Variants in RPS6 observed in about 807,000 individuals in gnomAD.
RPS6 encodes the protein small ribosomal subunit protein eS6.
In RPS6, 1 loss-of-function variant was observed where a neutral mutation model predicts 27.1. The ratio of observed to expected loss-of-function variants is 0.04; its 90% CI spans 0.01 to 0.18. The LOEUF (loss-of-function observed/expected upper bound fraction) is 0.18, where lower values mean the gene tolerates loss of function less well. Ranked by LOEUF, RPS6 falls within the 10% of genes least tolerant of loss-of-function variation. RPS6 has a pLI of 1.00. For synonymous variants in RPS6, 152 were observed against 106.0 expected (o/e 1.43, Z -2.66); for missense variants, 259 against 319.1 (o/e 0.81, Z 1.44).
At chr9:19,379,771 G>A in intron 1 of RPS6, 153 bp from the exon 2 acceptor site, 1 of 1,472,858 alleles carries the variant, frequency 6.8e-7, no homozygotes, top group South Asian at 1.4e-5. Context: ...CTAAAAGCAC[G>A]TGAAAGCAGA....
chr9:19,377,040 T>C (rs1189579076), intron 4 of RPS6, among the ~76,000 whole-genome samples: 1 of 152,228 alleles, frequency 6.6e-6, no homozygotes, highest in Non-Finnish European at 1.5e-5. Context: ...TGCATCTCTA[T>C]TTCCTTTGAC....
rs773586781 is a variant in RPS6 at position 19,376,281 on chromosome 9, A to C, written c.*12T>G. 3.8e-6 allele frequency: 6 copies of C among 1,596,248 alleles called. No homozygotes were observed. Among genetic ancestry groups the C allele is most frequent in the Non-Finnish European group, 5.1e-6 (6 of 1,168,382 alleles). ...CAGAGTCTGATCTTATTTATTTGTT[A>C]CTCAAAAAATCTTATTTCTGACTGG... On this transcript the variant is annotated 3_prime_UTR_variant, in exon 6 of 6. Coordinates refer to ENST00000380394, the MANE Select transcript of RPS6 (RefSeq NM_001010.3).
At position 19,376,353 on chromosome 9, in the gene RPS6, C is replaced by T. The variant is rs1829587486; in HGVS notation, c.690G>A (p.Lys230=). The change falls in exon 6 of 6, where the codon AAG becomes AAA. Residue 230 remains lysine (K), a synonymous_variant. Transcript: ENST00000380394. ...CTCGCAGAGAGGAAAGTCTGCGTCT[C>T]TTCGCAATTTGTTCCTGGCGCTTCT... The part of the protein sequence containing the change: ...AKEKRQEQIA[K]RRRLSSLRAS... 1.2e-6 allele frequency: 2 copies of T among 1,614,032 alleles called. No homozygotes were observed. The highest frequency in any genetic ancestry group is 1.7e-6 in the Non-Finnish European group (2 of 1,180,032).
chr9:19,380,158 A>C (rs1228381352), intron 1 of RPS6, 32 bp downstream of exon 1: 7 of 1,614,098 alleles, frequency 4.3e-6, no homozygotes, highest in Non-Finnish European at 5.9e-6. Flanking sequence ...ACGTTCCCCA[A>C]ACCCAGTCTA....
intron 4 of RPS6, 183 bp from the exon 5 acceptor site, chr9:19,376,834 G>C (rs974523033): frequency 1.3e-4 from 63 of 498,454 alleles, no homozygotes; most frequent in Non-Finnish European, 1.9e-4. Context: ...CTAGAAGATT[G>C]GTTAAATATT....
chr9:19,379,865 A>G, intron 1 of RPS6: 2 of 1,424,196 alleles, frequency 1.4e-6, no homozygotes, highest in Non-Finnish European at 1.8e-6. Flanking sequence ...GGCACTCCGC[A>G]GCCGTTCACC....
chr9:19,377,117 T>A (rs1369052844), intron 4 of RPS6, among the ~76,000 whole-genome samples: 2 of 152,212 alleles, frequency 1.3e-5, no homozygotes, highest in African/African-American at 2.4e-5. Flanking sequence ...TGTTAAAGTA[T>A]CTTCATTAAT....
rs1206268692 is a variant in RPS6, at chr9:19,379,066, A to G, written c.139-148T>C. 3.5e-6 allele frequency: 3 copies of G among 863,240 alleles called. No individual in the cohort carries two copies. In the East Asian group the frequency reaches 8.0e-5, roughly 23 times the overall value. The allele number at this position is 863,240 out of a possible 1,614,324, so 53.5% of individuals were successfully genotyped here. A position where few individuals can be genotyped will look rare whatever the true frequency, so the allele number is the denominator to read the frequency against. On this transcript the variant is annotated intron_variant, in intron 2 of 5. Transcript: ENST00000380394. ...TTAAGCACGTTTTCTCTGTTCAGTGAGTTTTGTCTATATTCCCAACTTGTC... is the reference window on the plus strand; with the variant it reads ...TTAAGCACGTTTTCTCTGTTCAGTGGGTTTTGTCTATATTCCCAACTTGTC...
rs1470141337 is a variant in RPS6 at position 19,378,792 on chromosome 9, T to G, written c.265A>C (p.Thr89Pro). Residue 89 changes from threonine to proline, a missense_variant, in exon 3 of 6, where the codon ACT becomes CCT. Thr to Pro is a conservative substitution (Grantham distance 38). Coordinates refer to ENST00000380394, the MANE Select transcript of RPS6 (RefSeq NM_001010.3). ...ACTGATTTTCTCTTTCTTTCTCCAG[T>G]TCTCCTTGGTCTGTAACAGGAATGC... is the stretch of plus-strand genomic sequence containing the variant. ...KGHSCYRPRRTGERKRKSVRG... is the reference protein window; with the variant it reads ...KGHSCYRPRRPGERKRKSVRG... The G allele has an allele frequency of 9.3e-6, 15 of 1,614,086 alleles. No homozygotes were observed. Among genetic ancestry groups the G allele is most frequent in the Non-Finnish European group, 1.2e-5 (14 of 1,180,046 alleles).
rs139647127 is a variant in RPS6 at position 19,378,320 on chromosome 9, G to A, written c.496+48C>T. 9.3e-4 allele frequency: 1,478 copies of A among 1,589,772 alleles called. 1 individual carries two copies. Among genetic ancestry groups the A allele is most frequent in the Non-Finnish European group, 1.2e-3 (1,406 of 1,162,094 alleles). On this transcript the variant is annotated intron_variant, in intron 4 of 5. Transcript: ENST00000380394. ...CTTCTGATATGCACACAAAATGATA[G>A]ACAAATTACCAAAATTAAGCAAGCC...
chr9:19,376,313 A>T lies in RPS6; in HGVS notation c.730T>A (p.Ser244Thr). ...LSSLRASTSK[S>T]ESSQK is the part of the protein sequence containing the mutation. ...AAATCTTATTTCTGACTGGATTCAG[A>T]CTTAGAAGTAGAAGCTCGCAGAGAG... Residue 244 changes from serine (S) to threonine (T), a missense_variant, in exon 6 of 6, where the codon TCT (serine) becomes ACT (threonine). Physicochemically the swap from Ser to Thr is moderately conservative, Grantham distance 58 (BLOSUM62 1). Around this residue, in one of 3 missense-constraint regions of RPS6, gnomAD observed 191 missense variants for 231.6 expected, o/e 0.82. Coordinates refer to ENST00000380394, the MANE Select transcript of RPS6 (RefSeq NM_001010.3). 1 of 1,613,826 alleles carries T rather than the reference A, an allele frequency of 6.2e-7. No individual in the cohort carries two copies. Among genetic ancestry groups the T allele is most frequent in the South Asian group, 1.1e-5 (1 of 91,048 alleles).
chr9:19,378,619 C>A, intron 3 of RPS6, 89 bp downstream of exon 3: 1 of 1,570,620 alleles, frequency 6.4e-7, no homozygotes, highest in South Asian at 1.1e-5. Flanking sequence ...ATCCATTGGT[C>A]TGTAAGTCTG....
At chr9:19,378,953 T>C (rs773330309) in intron 2 of RPS6, 35 bp from the exon 3 acceptor site, 41 of 1,593,446 alleles carry the variant, frequency 2.6e-5, no homozygotes, top group Non-Finnish European at 3.4e-5. Context: ...ACATTTACTA[T>C]TTCTATTCCA....
intron 4 of RPS6, among the ~76,000 whole-genome samples, chr9:19,377,392 C>CTTTTT (rs77882767): frequency 0.013 from 1,738 of 132,382 alleles, 56 homozygotes; most frequent in African/African-American, 0.046. Flanking sequence ...TTGTCAATTG[C>CTTTTT]TTTTTTTTTT....
At chr9:19,379,170 A>G (rs921890919) in intron 2 of RPS6, 42 of 875,604 alleles carry the variant, frequency 4.8e-5, no homozygotes, top group Non-Finnish European at 7.0e-5. Flanking sequence ...AGAAGATAAA[A>G]TATCAAACAG....
intron 4 of RPS6, among the ~76,000 whole-genome samples, chr9:19,377,933 C>CTTG (rs1829616702): frequency 1.3e-5 from 2 of 152,160 alleles, no homozygotes; most frequent in Non-Finnish European, 2.9e-5. Context: ...AAAGTGGGAG[C>CTTG]ATCACTTGAG....
intron 2 of RPS6, chr9:19,379,159 A>T (rs1292331728): frequency 6.1e-6 from 5 of 818,352 alleles, no homozygotes; most frequent in South Asian, 1.9e-5. Flanking sequence ...TAACAGCACT[A>T]AGAAGATAAA....
Position 19,375,734 on chromosome 9 carries a change from T to C in RPS6, c.*559A>G, listed in dbSNP as rs1273399884. ...TGTGCATTTTTCACTGATCCAAGAA[T>C]GTTTTTAGTCATTTCCTTTTCAGTG... On this transcript the variant is annotated 3_prime_UTR_variant, in exon 6 of 6. Transcript: ENST00000380394. The C allele has an allele frequency of 6.6e-6, 1 of 152,320 alleles. No homozygotes were observed. Among genetic ancestry groups the C allele is most frequent in the Non-Finnish European group, 1.5e-5 (1 of 68,114 alleles). The allele number at this position is 152,320 out of a possible 1,614,324, so 9.4% of individuals were successfully genotyped here.
chr9:19,376,376 TCTC>T lies in RPS6; in HGVS notation c.664_666del (p.Glu222del). 2 of 1,614,116 alleles carry T rather than the reference TCTC, an allele frequency of 1.2e-6. No individual in the cohort carries two copies. The highest frequency in any genetic ancestry group is 2.2e-5 in the East Asian group (1 of 44,870). ...CTCTTCGCAATTTGTTCCTGGCGCTTCTCCTTAGCCTCCTAAACAAAACAAAAC... is the reference window on the plus strand; with the variant it reads ...CTCTTCGCAATTTGTTCCTGGCGCTTCTTAGCCTCCTAAACAAAACAAAAC... On this transcript the variant is annotated inframe_deletion, in exon 6 of 6. Coordinates refer to ENST00000380394, the MANE Select transcript of RPS6 (RefSeq NM_001010.3).
Sources: allele counts gnomAD v4.1 joint callset (sites outside exome capture counted in the v4.1 genomes callset), GRCh38; gene constraint gnomAD v4.1.1; regional missense constraint gnomAD v4.1.1; transcripts MANE v1.5; gene names NCBI Gene and HGNC (gene_info 2026-07-23, HGNC 2026-07-21).